Variants in TSPAN14 observed in about 807,000 individuals in gnomAD.
TSPAN14 encodes tetraspanin-14.
A neutral mutation model predicts 36.6 loss-of-function variants in TSPAN14; 16 were observed. The observed-to-expected ratio is 0.44, with a 90% CI of 0.30 to 0.66. The LOEUF (loss-of-function observed/expected upper bound fraction) is 0.66, where lower values mean the gene tolerates loss of function less well. TSPAN14 is among the 30% of genes least tolerant of loss of function. The probability of loss-of-function intolerance (pLI) is 0.12; values close to 1 mark genes in which losing one functional copy is unlikely to be tolerated. For missense variants in TSPAN14, 231 were observed against 355.1 expected, an observed-to-expected ratio of 0.65 and a Z score of 2.81; for synonymous variants, 139 against 143.8, an observed-to-expected ratio of 0.97 and a Z score of 0.24.
rs1462108322 is a variant in TSPAN14, at chr10:80,481,900, C to A, written c.-17-7317C>A. Among the ~76,000 whole-genome samples the A allele has an allele frequency of 2.0e-5, 3 of 152,166 alleles. No homozygotes were observed. The East Asian group carries it at 5.8e-4, about 30-fold the overall frequency. On this transcript the variant is annotated intron_variant, in intron 1 of 8. Coordinates refer to ENST00000429989, the Ensembl canonical transcript of TSPAN14. ...TCCCGAGTAGCTGGGACTACAGGCACCTGCCACCATGCCCGGCTAATTGTT... is the reference window on the plus strand; with the variant it reads ...TCCCGAGTAGCTGGGACTACAGGCAACTGCCACCATGCCCGGCTAATTGTT...
intron 1 of TSPAN14, among the ~76,000 whole-genome samples, chr10:80,485,880 G>T (rs1390331643): frequency 6.6e-6 from 1 of 152,230 alleles, no homozygotes; most frequent in Non-Finnish European, 1.5e-5. Flanking sequence ...ACCTCATGGG[G>T]TTATCCTGGG....
intron 1 of TSPAN14, among the ~76,000 whole-genome samples, chr10:80,477,487 G>C (rs780411246): frequency 2.2e-4 from 34 of 152,160 alleles, no homozygotes; most frequent in Admixed American, 3.9e-4. Context: ...TGAGGACAGG[G>C]AGAATGAGAA....
At chr10:80,516,525 C>T (rs575005031) in intron 8 of TSPAN14, among the ~76,000 whole-genome samples, 79 of 152,286 alleles carry the variant, frequency 5.2e-4, no homozygotes, top group African/African-American at 1.6e-3. Flanking sequence ...CTTCCATAAA[C>T]GCTACCTATA....
At chr10:80,488,525 G>A (rs2132011243) in intron 1 of TSPAN14, among the ~76,000 whole-genome samples, 1 of 152,144 alleles carries the variant, frequency 6.6e-6, no homozygotes, top group South Asian at 2.1e-4. Context: ...GGGTTGAGGT[G>A]GAGTGGGGGG....
chr10:80,465,742 G>A (rs1052658654), intron 1 of TSPAN14, among the ~76,000 whole-genome samples: 2 of 152,320 alleles, frequency 1.3e-5, no homozygotes, highest in African/African-American at 2.4e-5. Flanking sequence ...AAGGATGCTC[G>A]TTCTTAATCT....
At chr10:80,506,465 G>C (rs866518855) in intron 3 of TSPAN14, among the ~76,000 whole-genome samples, 4 of 152,292 alleles carry the variant, frequency 2.6e-5, no homozygotes, top group Middle Eastern at 3.4e-3. Context: ...TGACTGGAAG[G>C]GGGGCTGTGG....
At position 80,472,787 on chromosome 10, in the gene TSPAN14, G is replaced by A. The variant is rs562066847; in HGVS notation, c.-17-16430G>A. Among the ~76,000 whole-genome samples, 8 of 152,186 alleles carry A rather than the reference G, an allele frequency of 5.3e-5. No homozygotes were observed. In the South Asian group the frequency reaches 8.3e-4, roughly 16 times the overall value. On this transcript the variant is annotated intron_variant, in intron 1 of 8. Transcript: ENST00000429989. ...TATTTTATTCAATGAGTTAAAATCCGTTGTTATTATTGTTTATTTTGCCGC... is the reference window on the plus strand; with the variant it reads ...TATTTTATTCAATGAGTTAAAATCCATTGTTATTATTGTTTATTTTGCCGC...
chr10:80,518,362 G>C (rs1309984867), exon 9 of TSPAN14: 2 of 248,812 alleles, frequency 8.0e-6, no homozygotes, highest in African/African-American at 4.4e-5. Flanking sequence ...TCTGCTTTGG[G>C]TCATCCACAT....
chr10:80,484,545 G>A (rs1847487463), intron 1 of TSPAN14, among the ~76,000 whole-genome samples: 1 of 152,086 alleles, frequency 6.6e-6, no homozygotes, highest in Non-Finnish European at 1.5e-5. Context: ...TTTTCCATTT[G>A]TTACGTTATT....
At chr10:80,475,427 G>A (rs926118125) in intron 1 of TSPAN14, among the ~76,000 whole-genome samples, 1 of 152,130 alleles carries the variant, frequency 6.6e-6, no homozygotes, top group African/African-American at 2.4e-5. Flanking sequence ...TTAACTTCGT[G>A]TGGTGGTACA....
exon 6 of TSPAN14, chr10:80,512,243 T>A (rs1424435753): frequency 6.2e-7 from 1 of 1,614,006 alleles, no homozygotes; most frequent in African/African-American, 1.3e-5. Context: ...CGGGGTCCCC[T>A]TCTCCTGCTG....
chr10:80,513,833 C>G (rs1840786139), intron 6 of TSPAN14, among the ~76,000 whole-genome samples, 186 bp from the exon 7 acceptor site: 1 of 152,212 alleles, frequency 6.6e-6, no homozygotes, highest in South Asian at 2.1e-4. Context: ...CTCTCTAGCC[C>G]TTCACAGAGA....
intron 1 of TSPAN14, among the ~76,000 whole-genome samples, chr10:80,478,796 C>T (rs1417682112): frequency 5.9e-5 from 9 of 152,092 alleles, no homozygotes; most frequent in Non-Finnish European, 8.8e-5. Context: ...CCGAGGCAGG[C>T]GGATCACTTG....
At chr10:80,503,019 G>A (rs1589288298) in intron 2 of TSPAN14, among the ~76,000 whole-genome samples, 1 of 152,138 alleles carries the variant, frequency 6.6e-6, no homozygotes, top group Admixed American at 6.5e-5. Flanking sequence ...AGGAGAGAAT[G>A]ACCAGCTGTG....
chr10:80,499,703 T>C (rs1194178420), intron 2 of TSPAN14, among the ~76,000 whole-genome samples: 3 of 152,304 alleles, frequency 2.0e-5, no homozygotes, highest in Admixed American at 6.5e-5. Context: ...ATGAGGGTAA[T>C]TGAGCCAGAG....
At chr10:80,456,899 C>T (rs947136671) in intron 1 of TSPAN14, among the ~76,000 whole-genome samples, 19 of 151,826 alleles carry the variant, frequency 1.3e-4, no homozygotes, top group East Asian at 3.9e-4. Flanking sequence ...CCTGTCTCTA[C>T]GAAAAATACA....
At chr10:80,491,927 A>G (rs1462826210) in intron 2 of TSPAN14, among the ~76,000 whole-genome samples, 1 of 152,156 alleles carries the variant, frequency 6.6e-6, no homozygotes, top group African/African-American at 2.4e-5. Flanking sequence ...GGTTCCTGGT[A>G]GTGATGTGCA....
chr10:80,454,354 T>TGCCGCCGCC (rs947717213), exon 1 of TSPAN14: 5 of 152,074 alleles, frequency 3.3e-5, no homozygotes, highest in East Asian at 3.9e-4. Context: ...GCGCCGCCGC[T>TGCCGCCGCC]GCCGCCGCCG....
At chr10:80,487,233 C>T (rs1847658034) in intron 1 of TSPAN14, among the ~76,000 whole-genome samples, 1 of 152,036 alleles carries the variant, frequency 6.6e-6, no homozygotes, top group Non-Finnish European at 1.5e-5. Context: ...CTTGTAAGAT[C>T]CCCAAGGGGA....
Sources: gnomAD v4.1 joint callset for allele counts (sites outside exome capture counted in the v4.1 genomes callset) on GRCh38, gnomAD v4.1.1 for gene constraint, MANE v1.5 for transcripts, NCBI Gene and HGNC (gene_info 2026-07-23, HGNC 2026-07-21) for gene names.